STX12: variants seen among roughly 807,000 people sequenced by gnomAD.
The protein encoded by STX12 is syntaxin 12.
In STX12, 17 loss-of-function variants were observed where a neutral mutation model predicts 42.2. That is an observed-to-expected ratio of 0.40 (90% CI 0.28 to 0.60). The LOEUF is 0.60. STX12 is among the 20% of genes least tolerant of loss of function. The pLI is 0.39. For synonymous variants in STX12, 108 were observed against 116.7 expected (o/e 0.93, Z 0.48); for missense variants, 297 against 330.9 (o/e 0.90, Z 0.79).
intron 6 of STX12, among the ~76,000 whole-genome samples, chr1:27,817,174 C>T (rs2088950066): frequency 6.6e-6 from 1 of 152,114 alleles, no homozygotes; most frequent in African/African-American, 2.4e-5. Context: ...TAAATTCTTC[C>T]ACTGCTGTTA....
chr1:27,802,041 C>G, intron 4 of STX12: 1 of 318,632 alleles, frequency 3.1e-6, no homozygotes, highest in Non-Finnish European at 5.6e-6. Context: ...GTCTAATTTT[C>G]TTTTTCATTT....
chr1:27,803,384 A>G (rs2148603974), intron 4 of STX12, among the ~76,000 whole-genome samples: 1 of 152,362 alleles, frequency 6.6e-6, no homozygotes, highest in South Asian at 2.1e-4. Flanking sequence ...CTTCTCAACA[A>G]CAGTGGAAGC....
chr1:27,812,131 A>G (rs369116114), intron 5 of STX12, 32 bp from the exon 6 acceptor site: 411 of 1,526,834 alleles, frequency 2.7e-4, no homozygotes, highest in Non-Finnish European at 3.5e-4. Context: ...CTTTGAGAGG[A>G]GAAATCACCT....
At chr1:27,793,431 C>G (rs1330770720) in intron 2 of STX12, 102 bp from the exon 3 acceptor site, 11 of 921,048 alleles carry the variant, frequency 1.2e-5, no homozygotes, top group Non-Finnish European at 1.2e-5. Flanking sequence ...TTCAAATGGC[C>G]CTTCATTCCC....
intron 3 of STX12, among the ~76,000 whole-genome samples, chr1:27,798,291 G>T (rs920761804): frequency 6.6e-6 from 1 of 152,030 alleles, no homozygotes; most frequent in African/African-American, 2.4e-5. Context: ...AGAACTTTGG[G>T]AGGCTGAGGC....
intron 8 of STX12, among the ~76,000 whole-genome samples, chr1:27,821,972 C>G (rs1227006542): frequency 6.6e-6 from 1 of 151,922 alleles, no homozygotes; most frequent in Non-Finnish European, 1.5e-5. Flanking sequence ...TAGCCAAGAT[C>G]GCACCACGGC....
chr1:27,801,173 C>T (rs1176548187), intron 3 of STX12, among the ~76,000 whole-genome samples: 1 of 152,146 alleles, frequency 6.6e-6, no homozygotes, highest in Non-Finnish European at 1.5e-5. Flanking sequence ...CCGAGGCGGG[C>T]AGATCACCTG....
chr1:27,809,750 G>A (rs942842963), intron 4 of STX12, among the ~76,000 whole-genome samples: 2 of 151,902 alleles, frequency 1.3e-5, no homozygotes, highest in African/African-American at 4.8e-5. Flanking sequence ...GAGCCACTGC[G>A]CCCGGCCAGA....
chr1:27,806,689 AT>A (rs2088864283), intron 4 of STX12, among the ~76,000 whole-genome samples: 1 of 152,150 alleles, frequency 6.6e-6, no homozygotes, highest in Admixed American at 6.6e-5. Context: ...GTATTAGTCC[AT>A]TTTCACACTG....
At chr1:27,799,498 T>G (rs1370745086) in intron 3 of STX12, among the ~76,000 whole-genome samples, 3 of 151,330 alleles carry the variant, frequency 2.0e-5, no homozygotes, top group Non-Finnish European at 4.4e-5. Context: ...TGTTTTTTTT[T>G]TTGAGACAGA....
Position 27,812,189 on chromosome 1 carries a change from G to A in STX12, c.497G>A (p.Ser166Asn). The A allele has an allele frequency of 6.4e-7, 1 of 1,559,274 alleles. No homozygotes were observed. Among genetic ancestry groups the A allele is most frequent in the South Asian group, 1.2e-5 (1 of 84,490 alleles). Reference protein sequence around the residue: ...DSHEEWNQMQSQEDEVAITEQ... With the variant: ...DSHEEWNQMQNQEDEVAITEQ... Reference sequence around the variant, plus strand: ...CATGAGGAGTGGAACCAGATGCAGAGCCAGGAGGATGAGGTGGCCATCACT... The same window carrying A: ...CATGAGGAGTGGAACCAGATGCAGAACCAGGAGGATGAGGTGGCCATCACT... Residue 166 changes from serine to asparagine, a missense_variant, in exon 6 of 9, where the codon AGC becomes AAC. By Grantham distance (46) the Ser-to-Asn change is conservative. Coordinates refer to ENST00000373943, the MANE Select transcript of STX12 (RefSeq NM_177424.3).
rs546111255 is a variant in STX12 at position 27,812,432 on chromosome 1, C to T, written c.576+164C>T. On this transcript the variant is annotated intron_variant, in intron 6 of 8. Coordinates refer to ENST00000373943, the MANE Select transcript of STX12 (RefSeq NM_177424.3). ...TGTAATCATGGTGGGTTTGAACTAC[C>T]GGTTTTTTTTGTTTTTTTTTTTATC... is the stretch of plus-strand genomic sequence containing the variant. Among the ~76,000 whole-genome samples, 11 of 142,982 alleles carry T rather than the reference C, an allele frequency of 7.7e-5. No homozygotes were observed. The South Asian group carries it at 1.5e-3, about 19-fold the overall frequency. 93.8% of individuals were successfully genotyped at this position (142,982 alleles called of 152,430 possible). A position where few individuals can be genotyped will look rare whatever the true frequency, so the allele number is the denominator to read the frequency against.
intron 1 of STX12, among the ~76,000 whole-genome samples, chr1:27,785,552 T>C (rs1263740797): frequency 6.6e-6 from 1 of 152,176 alleles, no homozygotes; most frequent in Non-Finnish European, 1.5e-5. Context: ...AATAAAAACC[T>C]TACACAAATA....
Position 27,823,072 on chromosome 1 carries a change from C to G in STX12, c.*743C>G, listed in dbSNP as rs1291661822. 6.6e-6 allele frequency: 1 copy of G among 152,240 alleles called. No individual in the cohort carries two copies. Among genetic ancestry groups the G allele is most frequent in the Non-Finnish European group, 1.5e-5 (1 of 68,050 alleles). The allele number at this position is 152,240 out of a possible 1,614,324, so 9.4% of individuals were successfully genotyped here. ...CATTAATATACTCTATGGGCTCCCTCTCCCACCTGTCTGCATAGAAAGGCA... is the reference window on the plus strand; with the variant it reads ...CATTAATATACTCTATGGGCTCCCTGTCCCACCTGTCTGCATAGAAAGGCA... On this transcript the variant is annotated 3_prime_UTR_variant, in exon 9 of 9. Transcript: ENST00000373943.
chr1:27,820,928 A>G (rs910640610), intron 8 of STX12, among the ~76,000 whole-genome samples: 1 of 151,544 alleles, frequency 6.6e-6, no homozygotes, highest in Non-Finnish European at 1.5e-5. Context: ...GCAAGAACAA[A>G]AAACCAAACA....
chr1:27,793,178 G>T (rs1208069734), intron 2 of STX12, among the ~76,000 whole-genome samples: 1 of 152,236 alleles, frequency 6.6e-6, no homozygotes, highest in Non-Finnish European at 1.5e-5. Context: ...GACAATAAGA[G>T]AGTTCAGTAT....
intron 1 of STX12, among the ~76,000 whole-genome samples, chr1:27,774,225 A>G (rs1223262472): frequency 1.3e-5 from 2 of 152,184 alleles, no homozygotes; most frequent in Admixed American, 6.5e-5. Flanking sequence ...TTGTTGGTGG[A>G]ATTCAGAATG....
intron 3 of STX12, among the ~76,000 whole-genome samples, chr1:27,800,166 A>C (rs1005403528): frequency 1.3e-5 from 2 of 152,182 alleles, no homozygotes; most frequent in Non-Finnish European, 2.9e-5. Flanking sequence ...GTCTGTCTAG[A>C]GATCCTCTTC....
intron 2 of STX12, among the ~76,000 whole-genome samples, chr1:27,790,891 A>C (rs1012646126): frequency 5.3e-5 from 8 of 152,140 alleles, no homozygotes; most frequent in Non-Finnish European, 1.2e-4. Context: ...CGGTGAGCCA[A>C]GATCGCACCA....
Sources: gnomAD v4.1 joint callset for allele counts (sites outside exome capture counted in the v4.1 genomes callset) on GRCh38, gnomAD v4.1.1 for gene constraint, MANE v1.5 for transcripts, NCBI Gene and HGNC (gene_info 2026-07-23, HGNC 2026-07-21) for gene names.